SLC25A23: variants seen among roughly 807,000 people sequenced by gnomAD.
The protein encoded by SLC25A23 is mitochondrial adenyl nucleotide antiporter SLC25A23.
A neutral mutation model predicts 53.9 loss-of-function variants in SLC25A23; 32 were observed. That is an observed-to-expected ratio of 0.59 (90% CI 0.45 to 0.80). SLC25A23 has a LOEUF of 0.80. Among genes scored for constraint, SLC25A23 ranks in the 30% least tolerant of loss-of-function variants. The pLI, the probability that SLC25A23 is intolerant of heterozygous loss-of-function variation, is 0.00. For synonymous variants in SLC25A23, 275 were observed against 264.5 expected, an observed-to-expected ratio of 1.04 and a Z score of -0.38; for missense variants, 575 against 651.4, an observed-to-expected ratio of 0.88 and a Z score of 1.28.
intron 4 of SLC25A23, 186 bp downstream of exon 4, chr19:6,456,234 C>G (rs2092680794): frequency 6.1e-6 from 6 of 991,014 alleles, no homozygotes; most frequent in Non-Finnish European, 8.7e-6. Flanking sequence ...AGAGATGTCC[C>G]AAATGGGACC....
At chr19:6,452,646 T>A (rs1225378399) in intron 7 of SLC25A23, 167 bp from the exon 8 acceptor site, 2 of 721,748 alleles carry the variant, frequency 2.8e-6, no homozygotes, top group Non-Finnish European at 4.3e-6. Context: ...TCCCTATACC[T>A]AGAAATAGTT....
At chr19:6,443,204 G>A (rs2092449529) in intron 9 of SLC25A23, among the ~76,000 whole-genome samples, 1 of 152,072 alleles carries the variant, frequency 6.6e-6, no homozygotes, top group South Asian at 2.1e-4. Flanking sequence ...CTCCCAAGGT[G>A]CTGGGATGGC....
Position 6,440,814 on chromosome 19 carries a change from T to C in SLC25A23, c.*1161A>G, listed in dbSNP as rs1189778102. On this transcript the variant is annotated 3_prime_UTR_variant, in exon 10 of 10. Coordinates refer to ENST00000301454, the MANE Select transcript of SLC25A23 (RefSeq NM_024103.3). ...AGCCGGCTCTGGGCACCAGTGTGTGTGGGATACTCTGTGACTGGGCTGCCA... is the reference window on the plus strand; with the variant it reads ...AGCCGGCTCTGGGCACCAGTGTGTGCGGGATACTCTGTGACTGGGCTGCCA... The C allele has an allele frequency of 1.3e-5, 2 of 152,178 alleles. No individual in the cohort carries two copies. The highest frequency in any genetic ancestry group is 2.4e-5 in the African/African-American group (1 of 41,426). The allele number at this position is 152,178 out of a possible 1,614,324, so 9.4% of individuals were successfully genotyped here.
intron 8 of SLC25A23, among the ~76,000 whole-genome samples, 196 bp downstream of exon 8, chr19:6,452,116 G>T (rs2092600982): frequency 6.6e-6 from 1 of 152,136 alleles, no homozygotes; most frequent in Admixed American, 6.6e-5. Flanking sequence ...CTAATCAAAA[G>T]TAAGTGGAGA....
At chr19:6,456,726 C>G (rs917482765) in intron 3 of SLC25A23, among the ~76,000 whole-genome samples, 195 bp from the exon 4 acceptor site, 2 of 152,056 alleles carry the variant, frequency 1.3e-5, no homozygotes, top group Non-Finnish European at 2.9e-5. Context: ...GTTGCCCAGG[C>G]TAGAGAGCAA....
At chr19:6,446,879 C>T (rs2092512690) in intron 8 of SLC25A23, among the ~76,000 whole-genome samples, 1 of 152,002 alleles carries the variant, frequency 6.6e-6, no homozygotes, top group Non-Finnish European at 1.5e-5. Context: ...ACCCTTAGTC[C>T]AGTATGACTG....
chr19:6,436,311 A>C, downstream of SLC25A23: 1 of 411,594 alleles, frequency 2.4e-6, no homozygotes, highest in Non-Finnish European at 5.0e-6. Flanking sequence ...GGGATCCACA[A>C]AGCTTGGACT....
At position 6,454,355 on chromosome 19, in the gene SLC25A23, C is replaced by A; in HGVS notation, c.763G>T (p.Glu255Ter). Residue 255 changes from glutamate to a stop codon, truncating the protein, a stop_gained, in exon 6 of 10, where the codon GAG becomes TAG. Coordinates refer to ENST00000301454, the MANE Select transcript of SLC25A23 (RefSeq NM_024103.3). LOFTEE classifies it high-confidence loss of function. The surrounding 1 kb of genome is among the most constrained non-coding windows in gnomAD (Gnocchi z 4.3). Reference protein sequence around the residue: ...NGINVLKIAPESAIKFMAYEQ... With the variant: ...NGINVLKIAP ...TAGGCCATGAACTTGATAGCTGACT[C>A]GGGGGCAATCTTGAGTACATTAATA... The A allele has an allele frequency of 6.2e-7, 1 of 1,614,124 alleles. No homozygotes were observed. The highest frequency in any genetic ancestry group is 8.5e-7 in the Non-Finnish European group (1 of 1,179,998).
At chr19:6,450,154 G>A (rs555684544) in intron 8 of SLC25A23, among the ~76,000 whole-genome samples, 6 of 151,946 alleles carry the variant, frequency 3.9e-5, no homozygotes, top group Admixed American at 2.6e-4. Flanking sequence ...CACCGTGACC[G>A]GCCTCTACTC....
At chr19:6,443,732 G>A (rs2144805867) in intron 9 of SLC25A23, 1 of 661,502 alleles carries the variant, frequency 1.5e-6, no homozygotes, top group Non-Finnish European at 2.7e-6. Context: ...GAGAATGGGA[G>A]GGTAGTGGTG....
intron 9 of SLC25A23, 146 bp downstream of exon 9, chr19:6,444,005 C>T (rs1011675713): frequency 1.2e-6 from 1 of 835,800 alleles, no homozygotes; most frequent in Non-Finnish European, 1.8e-6. Flanking sequence ...GTAAAGGACT[C>T]CCATTTCAAT....
intron 8 of SLC25A23, among the ~76,000 whole-genome samples, chr19:6,447,761 C>A (rs1008238824): frequency 6.6e-6 from 1 of 152,192 alleles, no homozygotes; most frequent in Non-Finnish European, 1.5e-5. Context: ...ACCTCCACCT[C>A]CCGGGTTCAA....
rs775700306 is a variant in SLC25A23 at position 6,452,454 on chromosome 19, C to T, written c.929G>A (p.Arg310His). 8.1e-6 allele frequency: 13 copies of T among 1,608,714 alleles called. No individual in the cohort carries two copies. Among genetic ancestry groups the T allele is most frequent in the South Asian group, 4.4e-5 (4 of 90,732 alleles). The change falls in exon 8 of 10, where the codon CGC becomes CAC. Residue 310 changes from arginine to histidine, a missense_variant. Physicochemically the swap from Arg to His is conservative, Grantham distance 29. Coordinates refer to ENST00000301454, the MANE Select transcript of SLC25A23 (RefSeq NM_024103.3). ...CAGCCCCTTATACTGGCCCGTCCGG[C>T]GCAAGGTCAGCCGCGTCTTCAGCAC... Reference protein sequence around the residue: ...MEVLKTRLTLRRTGQYKGLLD... With the variant: ...MEVLKTRLTLHRTGQYKGLLD...
intron 8 of SLC25A23, among the ~76,000 whole-genome samples, chr19:6,451,885 C>T (rs912262553): frequency 1.4e-5 from 2 of 145,008 alleles, no homozygotes; most frequent in Non-Finnish European, 3.0e-5. Context: ...GGCTGCAGTG[C>T]AGTAGCTCTG....
At position 6,459,703 on chromosome 19, in the gene SLC25A23, C is replaced by A; in HGVS notation, c.-75G>T. ...GGGCTTCGCGGCTCCCCCTCCCCCC[C>A]CGGGACCCCGCAGGGTCAGCTCCCG... On this transcript the variant is annotated 5_prime_UTR_variant, in exon 1 of 10. Transcript: ENST00000301454. This position sits in a 1 kb window ranked among gnomAD's most constrained non-coding sequence, Gnocchi z 4.6. 3 of 1,198,230 alleles carry A rather than the reference C, an allele frequency of 2.5e-6. No individual in the cohort carries two copies. Among genetic ancestry groups the A allele is most frequent in the Non-Finnish European group, 3.1e-6 (3 of 957,274 alleles). 74.2% of individuals were successfully genotyped at this position (1,198,230 alleles called of 1,614,324 possible). A position where few individuals can be genotyped will look rare whatever the true frequency, so the allele number is the denominator to read the frequency against.
rs754917974 is a variant in SLC25A23, at chr19:6,454,539, G to T, written c.642+20C>A. 4 of 1,613,118 alleles carry T rather than the reference G, an allele frequency of 2.5e-6. No homozygotes were observed. Among genetic ancestry groups the T allele is most frequent in the South Asian group, 2.2e-5 (2 of 91,054 alleles). ...GTGTCAGGCCTGGGGGAGGGGGCAG[G>T]TCTCTCCAGAGCCCCTCACCTGCAT... On this transcript the variant is annotated intron_variant, in intron 5 of 9. Transcript: ENST00000301454. The surrounding 1 kb of genome is among the most constrained non-coding windows in gnomAD (Gnocchi z 4.3).
chr19:6,454,412 C>T lies in SLC25A23; in HGVS notation c.706G>A (p.Gly236Arg). 1 of 1,614,192 alleles carries T rather than the reference C, an allele frequency of 6.2e-7. No individual in the cohort carries two copies. The highest frequency in any genetic ancestry group is 8.5e-7 in the Non-Finnish European group (1 of 1,180,038). ...CCGCGCCACAGGGAGCGGATGCCTC[C>T]CTCAAGGACCATGCTTCGAAGCCCC... ...LGGLRSMVLE[G>R]GIRSLWRGNG... The change falls in exon 6 of 10, where the codon GGA (glycine) becomes AGA (arginine). Residue 236 changes from glycine (G) to arginine (R), a missense_variant. Gly to Arg is a moderately radical substitution (Grantham distance 125). Transcript: ENST00000301454. The surrounding 1 kb of genome is among the most constrained non-coding windows in gnomAD (Gnocchi z 4.3).
intron 8 of SLC25A23, 89 bp from the exon 9 acceptor site, chr19:6,444,390 G>C (rs2092473211): frequency 2.2e-6 from 3 of 1,387,646 alleles, no homozygotes; most frequent in Non-Finnish European, 2.9e-6. Flanking sequence ...TGTATCCCAT[G>C]ACAGGTGCTA....
intron 2 of SLC25A23, 131 bp downstream of exon 2, chr19:6,458,067 G>A: frequency 8.1e-7 from 1 of 1,227,396 alleles, no homozygotes; most frequent in Non-Finnish European, 1.1e-6. Flanking sequence ...TCCTGAAATA[G>A]CCTATGAGTC....
Sources: gnomAD v4.1 joint callset for allele counts (sites outside exome capture counted in the v4.1 genomes callset) on GRCh38, gnomAD v4.1.1 for gene constraint, Gnocchi (gnomAD v3.1) non-coding constraint, MANE v1.5 for transcripts, NCBI Gene and HGNC (gene_info 2026-07-23, HGNC 2026-07-21) for gene names.